Variants in CD96 observed in about 807,000 individuals in gnomAD.
CD96 encodes the protein CD96 molecule.
In CD96, 70 loss-of-function variants were observed where a neutral mutation model predicts 71.3. That is an observed-to-expected ratio of 0.98 (90% CI 0.81 to 1.20). CD96 has a LOEUF of 1.20. Among genes scored for constraint, CD96 ranks in the 50% most tolerant of loss-of-function variants. The probability of loss-of-function intolerance (pLI) is 0.00; values close to 1 mark genes in which losing one functional copy is unlikely to be tolerated. For synonymous variants in CD96, 248 were observed against 233.0 expected (o/e 1.06, Z -0.59); for missense variants, 742 against 677.5 (o/e 1.10, Z -1.06).
intron 7 of CD96, among the ~76,000 whole-genome samples, chr3:111,605,300 C>G (rs1004738830): frequency 6.6e-6 from 1 of 152,106 alleles, no homozygotes; most frequent in Non-Finnish European, 1.5e-5. Context: ...AAGGTACATT[C>G]AGGAAAGTTT....
intron 8 of CD96, among the ~76,000 whole-genome samples, chr3:111,622,733 T>C (rs541317711): frequency 6.6e-6 from 1 of 152,366 alleles, no homozygotes; most frequent in South Asian, 2.1e-4. Flanking sequence ...ACAGCATTCT[T>C]TTTATGAAGA....
rs1338484809 is a variant in CD96, at chr3:111,633,638, A to G, written c.1322-3558A>G. 3 of 152,402 alleles carry G rather than the reference A, an allele frequency of 2.0e-5. No individual in the cohort carries two copies. The East Asian group carries it at 5.8e-4, about 29-fold the overall frequency. 9.4% of individuals were successfully genotyped at this position (152,402 alleles called of 1,614,324 possible). ...GTTAAGGCATAAGCCCCATACTTCC[A>G]AAGCTTGTGAATGTCATCTTTGTCA... On this transcript the variant is annotated intron_variant, in intron 10 of 13. Transcript: ENST00000352690.
chr3:111,610,944 G>A (rs1234904819), intron 8 of CD96, among the ~76,000 whole-genome samples: 10 of 152,202 alleles, frequency 6.6e-5, no homozygotes, highest in Admixed American at 6.6e-4. Context: ...CGCCTACAAT[G>A]TGTCAGGGAC....
At chr3:111,559,090 TTCTC>T (rs1272071715) in intron 2 of CD96, among the ~76,000 whole-genome samples, 1 of 151,640 alleles carries the variant, frequency 6.6e-6, no homozygotes, top group Non-Finnish European at 1.5e-5. Flanking sequence ...TATTTGATTC[TTCTC>T]TCTTTTTTTC....
intron 8 of CD96, among the ~76,000 whole-genome samples, chr3:111,608,227 A>G (rs1265539094): frequency 6.9e-6 from 1 of 144,908 alleles, no homozygotes; most frequent in Non-Finnish European, 1.5e-5. Flanking sequence ...TGCATACAAT[A>G]TGGCAGTTGG....
chr3:111,610,574 G>A (rs1314270517), intron 8 of CD96, among the ~76,000 whole-genome samples: 1 of 152,190 alleles, frequency 6.6e-6, no homozygotes, highest in Non-Finnish European at 1.5e-5. Context: ...ATGAGGGGAG[G>A]AGAACTTAAT....
intron 6 of CD96, 107 bp from the exon 7 acceptor site, chr3:111,600,619 A>G (rs1262907705): frequency 2.4e-6 from 2 of 842,036 alleles, no homozygotes; most frequent in Non-Finnish European, 4.0e-6. Context: ...CCATTTGACC[A>G]CTTTAGACTC....
intron 10 of CD96, among the ~76,000 whole-genome samples, chr3:111,630,342 C>T (rs148755320): frequency 1.3e-5 from 2 of 152,092 alleles, no homozygotes; most frequent in African/African-American, 4.8e-5. Flanking sequence ...ACTGACCCCA[C>T]AGAAATACAA....
At chr3:111,547,333 T>C (rs1489963935) in intron 2 of CD96, among the ~76,000 whole-genome samples, 1 of 152,240 alleles carries the variant, frequency 6.6e-6, no homozygotes, top group Non-Finnish European at 1.5e-5. Flanking sequence ...CTTCTTTTTA[T>C]ATATTGACCT....
chr3:111,590,431 GA>G (rs1936924105), intron 5 of CD96, among the ~76,000 whole-genome samples: 2 of 152,200 alleles, frequency 1.3e-5, no homozygotes. Context: ...CCGCAGTGTG[GA>G]AATACTCTGG....
intron 5 of CD96, chr3:111,595,524 C>T (rs556956218): frequency 6.6e-6 from 1 of 152,016 alleles, no homozygotes; most frequent in African/African-American, 2.4e-5. Flanking sequence ...TTCTCCACCC[C>T]CTCCACCACC....
chr3:111,565,141 C>T (rs1276538760), intron 2 of CD96, among the ~76,000 whole-genome samples: 2 of 152,112 alleles, frequency 1.3e-5, no homozygotes, highest in Non-Finnish European at 2.9e-5. Flanking sequence ...CCAGTGATTA[C>T]CTGTTACTAG....
At position 111,600,856 on chromosome 3, in the gene CD96, T is replaced by C; in HGVS notation, c.1029T>C (p.Ser343=). 1 of 1,613,156 alleles carries C rather than the reference T, an allele frequency of 6.2e-7. No individual in the cohort carries two copies. Among genetic ancestry groups the C allele is most frequent in the Non-Finnish European group, 8.5e-7 (1 of 1,179,118 alleles). ...TGACCATTTGGTGTATGGCTCTGTC[T>C]CCAGTCCCAGGAAATAAAGTGTGGA... ...DNLTIWCMAL[S]PVPGNKVWNI... Residue 343 remains serine (S), a synonymous_variant, in exon 7 of 14, where the codon TCT becomes TCC. Transcript: ENST00000352690.
At position 111,545,162 on chromosome 3, in the gene CD96, A is replaced by G. The variant is rs781570879; in HGVS notation, c.178A>G (p.Lys60Glu). ...VGFFVQMQWS[K>E]VTNKIDLIAV... is the part of the protein sequence containing the mutation. ...CTTCTTCGTGCAGATGCAATGGTCC[A>G]AGGTCACCAATAAGATAGACCTGAT... Residue 60 changes from lysine to glutamate, a missense_variant, in exon 2 of 14, where the codon AAG (lysine) becomes GAG (glutamate). By Grantham distance (56) the Lys-to-Glu change is moderately conservative. Transcript: ENST00000352690. The G allele has an allele frequency of 1.2e-6, 2 of 1,614,188 alleles. No individual in the cohort carries two copies.
At chr3:111,629,222 C>T (rs867095042) in intron 10 of CD96, among the ~76,000 whole-genome samples, 2 of 152,096 alleles carry the variant, frequency 1.3e-5, no homozygotes, top group African/African-American at 4.8e-5. Flanking sequence ...GAATGGCAAG[C>T]TGGATAAAGA....
chr3:111,596,878 C>T (rs970857803), intron 5 of CD96, among the ~76,000 whole-genome samples: 3 of 152,192 alleles, frequency 2.0e-5, no homozygotes, highest in East Asian at 3.8e-4. Context: ...CTGGGAGCTA[C>T]GGTGTTTGCC....
At chr3:111,644,505 T>C (rs951230860) in intron 12 of CD96, among the ~76,000 whole-genome samples, 1 of 150,656 alleles carries the variant, frequency 6.6e-6, no homozygotes. Flanking sequence ...AAAAAGCAAA[T>C]GCAATAAAAA....
At position 111,649,586 on chromosome 3, in the gene CD96, CTCTT is replaced by C. The variant is rs1489292013; in HGVS notation, c.1602-108_1602-105del. On this transcript the variant is annotated intron_variant, in intron 13 of 13. Coordinates refer to ENST00000352690, the MANE Select transcript of CD96 (RefSeq NM_005816.5). ...TGCTGAAAGAACTGGGAGAGTATGT[CTCTT>C]TCTCATCAATCTGTGTTCTCCTTTA... 1.5e-5 allele frequency: 12 copies of C among 787,654 alleles called. No individual in the cohort carries two copies. In the Admixed American group the frequency reaches 2.1e-4, roughly 14 times the overall value. The allele number at this position is 787,654 out of a possible 1,614,324, so 48.8% of individuals were successfully genotyped here.
chr3:111,594,063 G>A (rs745398962), intron 5 of CD96: 2 of 1,614,166 alleles, frequency 1.2e-6, no homozygotes, highest in South Asian at 1.1e-5. Flanking sequence ...TTGTTGTGGG[G>A]CATTGGAGTG....
Sources: allele counts gnomAD v4.1 joint callset (sites outside exome capture counted in the v4.1 genomes callset), GRCh38; gene constraint gnomAD v4.1.1; transcripts MANE v1.5; gene names NCBI Gene and HGNC (gene_info 2026-07-23, HGNC 2026-07-21).